SHISA6: variants seen among roughly 807,000 people sequenced by gnomAD.
The protein encoded by SHISA6 is shisa family member 6.
In SHISA6, 22 loss-of-function variants were observed where a neutral mutation model predicts 47.9. The observed-to-expected ratio is 0.46, with a 90% confidence interval of 0.33 to 0.66. SHISA6 has a LOEUF of 0.66. Ranked by LOEUF, SHISA6 falls within the 30% of genes least tolerant of loss-of-function variation. SHISA6 has a pLI of 0.02. For synonymous variants in SHISA6, 388 were observed against 337.8 expected (o/e 1.15, Z -1.63); for missense variants, 680 against 764.6 (o/e 0.89, Z 1.30).
At chr17:11,530,707 TG>T (rs1224523286) in intron 3 of SHISA6, among the ~76,000 whole-genome samples, 1 of 152,218 alleles carries the variant, frequency 6.6e-6, no homozygotes, top group African/African-American at 2.4e-5. Context: ...ACATGTCTGT[TG>T]TCAAGGTTAG....
Position 11,285,838 on chromosome 17 carries a change from T to TC in SHISA6, c.799+22312_799+22313insC, listed in dbSNP as rs201249808. 8.0e-3 allele frequency among the ~76,000 whole-genome samples: 1,111 copies of TC among 138,774 alleles called. 14 individuals carry two copies. Among genetic ancestry groups the TC allele is most frequent in the African/African-American group, 0.027 (972 of 35,498 alleles). The allele number at this position is 138,774 out of a possible 152,430, so 91.0% of individuals were successfully genotyped here. A position where few individuals can be genotyped will look rare whatever the true frequency, so the allele number is the denominator to read the frequency against. ...GTGGCTCTGTGTCTCTCTCTCTCTC[T>TC]TTTTTTTTTTTTTTTTGAGATGGAG... On this transcript the variant is annotated intron_variant, in intron 2 of 5. Coordinates refer to ENST00000441885, the MANE Select transcript of SHISA6 (RefSeq NM_207386.4).
At chr17:11,515,457 T>G (rs1040502099) in intron 3 of SHISA6, among the ~76,000 whole-genome samples, 8 of 151,834 alleles carry the variant, frequency 5.3e-5, no homozygotes, top group African/African-American at 1.9e-4. Flanking sequence ...TTCTTAGAAG[T>G]TGAGCCTGAG....
intron 3 of SHISA6, among the ~76,000 whole-genome samples, chr17:11,470,336 C>T (rs1915906543): frequency 6.6e-6 from 1 of 152,208 alleles, no homozygotes; most frequent in African/African-American, 2.4e-5. Flanking sequence ...GCTTCCCCAA[C>T]TCAAATGGCC....
At chr17:11,397,406 T>TGTGTGG (rs1382285697) in intron 3 of SHISA6, among the ~76,000 whole-genome samples, 1 of 149,252 alleles carries the variant, frequency 6.7e-6, no homozygotes, top group Non-Finnish European at 1.5e-5. Context: ...TGTGTGTGTG[T>TGTGTGG]GTGTGTGTGT....
chr17:11,481,364 G>GTATATATATATATATATA (rs747477268), intron 3 of SHISA6, among the ~76,000 whole-genome samples: 1 of 134,424 alleles, frequency 7.4e-6, no homozygotes, highest in African/African-American at 2.9e-5. Context: ...GTGTGTGTGT[G>GTATATATATATATATATA]TGTATATATA....
chr17:11,544,060 A>C, intron 3 of SHISA6, among the ~76,000 whole-genome samples: 1 of 151,904 alleles, frequency 6.6e-6, no homozygotes, highest in East Asian at 1.9e-4. Context: ...ACCTCATATA[A>C]AAATTAACTC....
At chr17:11,258,632 G>A (rs1908106304) in intron 1 of SHISA6, among the ~76,000 whole-genome samples, 1 of 152,200 alleles carries the variant, frequency 6.6e-6, no homozygotes, top group African/African-American at 2.4e-5. Context: ...GGAAATGCTT[G>A]GAGGAACAGG....
chr17:11,430,038 G>T (rs1303087870), intron 3 of SHISA6, among the ~76,000 whole-genome samples: 1 of 152,158 alleles, frequency 6.6e-6, no homozygotes, highest in African/African-American at 2.4e-5. Context: ...ACTAGTAGAT[G>T]CCCCAACGAA....
In SHISA6 at chr17:11,394,699, T is replaced by C. The variant is rs139340525; in HGVS notation, c.895+15190T>C. Among the ~76,000 whole-genome samples the C allele has an allele frequency of 2.6e-5, 4 of 152,124 alleles. No individual in the cohort carries two copies. The East Asian group carries it at 7.7e-4, about 29-fold the overall frequency. ...TTTTATTGATTTTTTAATGTTTTTA[T>C]TTAGAAACAATTTCAGACATATATA... On this transcript the variant is annotated intron_variant, in intron 3 of 5. Transcript: ENST00000441885.
intron 3 of SHISA6, among the ~76,000 whole-genome samples, chr17:11,456,282 C>T (rs186027037): frequency 7.6e-4 from 115 of 152,274 alleles, no homozygotes; most frequent in African/African-American, 2.6e-3. Flanking sequence ...TGCTCTGCAC[C>T]GAGGCACCTG....
chr17:11,313,029 A>G (rs1198910945), intron 2 of SHISA6, among the ~76,000 whole-genome samples: 1 of 152,200 alleles, frequency 6.6e-6, no homozygotes, highest in African/African-American at 2.4e-5. Context: ...ACCATGGGCA[A>G]CTTCAAGCTA....
chr17:11,355,869 A>C (rs1234382544), intron 2 of SHISA6, among the ~76,000 whole-genome samples: 2 of 152,230 alleles, frequency 1.3e-5, no homozygotes, highest in Non-Finnish European at 2.9e-5. Context: ...CTGCCTAATG[A>C]TTAAGACACC....
At chr17:11,527,184 C>T (rs2071694311) in intron 3 of SHISA6, among the ~76,000 whole-genome samples, 1 of 152,014 alleles carries the variant, frequency 6.6e-6, no homozygotes, top group South Asian at 2.1e-4. Context: ...CATTCCTCAC[C>T]ATTCATATGA....
chr17:11,265,444 C>T (rs920889290), intron 2 of SHISA6, among the ~76,000 whole-genome samples: 5 of 152,138 alleles, frequency 3.3e-5, no homozygotes, highest in African/African-American at 1.2e-4. Context: ...TGGGTGGGGG[C>T]TGGTGGCTAA....
intron 2 of SHISA6, among the ~76,000 whole-genome samples, chr17:11,281,019 C>G (rs1328742361): frequency 6.6e-6 from 1 of 152,096 alleles, no homozygotes; most frequent in Admixed American, 6.6e-5. Flanking sequence ...ATATAAACAC[C>G]TTGTCCTACA....
chr17:11,333,248 G>A (rs1911194751), intron 2 of SHISA6, among the ~76,000 whole-genome samples: 1 of 152,282 alleles, frequency 6.6e-6, no homozygotes, highest in South Asian at 2.1e-4. Flanking sequence ...TGAGAGTGTG[G>A]AACTATAAGA....
In SHISA6 at chr17:11,450,355, C is replaced by T. The variant is rs141322825; in HGVS notation, c.895+70846C>T. Among the ~76,000 whole-genome samples the T allele has an allele frequency of 2.7e-3, 404 of 151,000 alleles. 2 individuals carry two copies. Among genetic ancestry groups the T allele is most frequent in the African/African-American group, 9.5e-3 (385 of 40,398 alleles). ...ATCTTCTTGGAGGCAGAATTCAATTCGTAACAAAGAGTAATCCAAGGTCGG... is the reference window on the plus strand; with the variant it reads ...ATCTTCTTGGAGGCAGAATTCAATTTGTAACAAAGAGTAATCCAAGGTCGG... On this transcript the variant is annotated intron_variant, in intron 3 of 5. Coordinates refer to ENST00000441885, the MANE Select transcript of SHISA6 (RefSeq NM_207386.4).
intron 3 of SHISA6, among the ~76,000 whole-genome samples, chr17:11,488,996 C>G (rs1916413922): frequency 6.6e-6 from 1 of 152,172 alleles, no homozygotes; most frequent in Non-Finnish European, 1.5e-5. Flanking sequence ...GCTGTCTTTT[C>G]TCAATTGGGG....
chr17:11,450,132 G>T (rs1326374104), intron 3 of SHISA6, among the ~76,000 whole-genome samples: 1 of 151,878 alleles, frequency 6.6e-6, no homozygotes, highest in African/African-American at 2.4e-5. Flanking sequence ...TGATCCACCC[G>T]CCTCGGCCTC....
Sources: gnomAD v4.1 joint callset for allele counts (sites outside exome capture counted in the v4.1 genomes callset) on GRCh38, gnomAD v4.1.1 for gene constraint, MANE v1.5 for transcripts, NCBI Gene and HGNC (gene_info 2026-07-23, HGNC 2026-07-21) for gene names.